Variants in DDC observed in about 807,000 individuals in gnomAD.
DDC encodes aromatic-L-amino-acid decarboxylase.
A neutral mutation model predicts 60.0 loss-of-function variants in DDC; 43 were observed. That is an observed-to-expected ratio of 0.72 (90% CI 0.56 to 0.92). The LOEUF (loss-of-function observed/expected upper bound fraction) is 0.92, where lower values mean the gene tolerates loss of function less well. Ranked by LOEUF, DDC falls within the 40% of genes least tolerant of loss-of-function variation. The pLI, the probability that DDC is intolerant of heterozygous loss-of-function variation, is 0.00. For synonymous variants in DDC, 232 were observed against 234.6 expected (o/e 0.99, Z 0.10); for missense variants, 573 against 620.2 (o/e 0.92, Z 0.81).
chr7:50,486,940 A>G (rs1380521919), intron 9 of DDC, among the ~76,000 whole-genome samples: 1 of 152,194 alleles, frequency 6.6e-6, no homozygotes, highest in Non-Finnish European at 1.5e-5. Flanking sequence ...ATAATTGACT[A>G]TTCCCCTGCC....
chr7:50,510,746 C>A (rs1481696428), intron 6 of DDC, among the ~76,000 whole-genome samples: 1 of 151,270 alleles, frequency 6.6e-6, no homozygotes, highest in East Asian at 1.9e-4. Context: ...CTTTGGGAGG[C>A]CAAGGCGGGC....
rs148472208 is a variant in DDC at position 50,463,248 on chromosome 7, G to T, written c.1426C>A (p.Arg476=). ...HIKELAADVL[R]AERE ...CTTCACTCCTACTCCCTCTCTGCTC[G>T]CAGCACGTCGGCCGCCAGCTCTTTG... The change falls in exon 14 of 15, where the codon CGA becomes AGA. Residue 476 remains arginine, a synonymous_variant. Transcript: ENST00000444124. 1.2e-6 allele frequency: 2 copies of T among 1,613,162 alleles called. No individual in the cohort carries two copies. The highest frequency in any genetic ancestry group is 1.1e-5 in the South Asian group (1 of 90,852).
At chr7:50,520,849 G>C (rs903729936) in intron 6 of DDC, among the ~76,000 whole-genome samples, 1 of 152,048 alleles carries the variant, frequency 6.6e-6, no homozygotes, top group East Asian at 1.9e-4. Context: ...GGGAGGTGGA[G>C]GTTGTGCCAC....
intron 9 of DDC, among the ~76,000 whole-genome samples, chr7:50,481,944 G>A (rs2042778359): frequency 6.6e-6 from 1 of 152,154 alleles, no homozygotes; most frequent in African/African-American, 2.4e-5. Flanking sequence ...GACCTCCTGG[G>A]ATTTTAGTGC....
At chr7:50,531,266 T>C (rs1300580450) in intron 4 of DDC, among the ~76,000 whole-genome samples, 1 of 152,172 alleles carries the variant, frequency 6.6e-6, no homozygotes, top group Non-Finnish European at 1.5e-5. Context: ...GCATTGTACC[T>C]TACTTACACT....
chr7:50,535,479 C>T (rs751015750), intron 4 of DDC, among the ~76,000 whole-genome samples: 1 of 152,186 alleles, frequency 6.6e-6, no homozygotes, highest in Non-Finnish European at 1.5e-5. Flanking sequence ...TTTAATATCA[C>T]TTATGTCTGA....
chr7:50,562,621 C>A (rs2045366633), intron 1 of DDC, among the ~76,000 whole-genome samples: 1 of 152,178 alleles, frequency 6.6e-6, no homozygotes, highest in African/African-American at 2.4e-5. Context: ...TGAGAAAGAG[C>A]CCTGGTCAGG....
At chr7:50,498,597 G>C (rs547877445) in intron 8 of DDC, among the ~76,000 whole-genome samples, 2 of 152,194 alleles carry the variant, frequency 1.3e-5, no homozygotes, top group Non-Finnish European at 2.9e-5. Flanking sequence ...TTGGAGAAGC[G>C]GAGTGCTGGT....
chr7:50,493,009 A>C, intron 9 of DDC: 1 of 1,595,870 alleles, frequency 6.3e-7, no homozygotes, highest in South Asian at 1.1e-5. Context: ...TCTGGACCTG[A>C]GGGCAGGACG....
intron 6 of DDC, among the ~76,000 whole-genome samples, chr7:50,526,101 T>C (rs2044030564): frequency 6.6e-6 from 1 of 152,014 alleles, no homozygotes; most frequent in African/African-American, 2.4e-5. Context: ...TTCTGTGAAA[T>C]CCAAGAAGAG....
chr7:50,528,027 G>C, intron 6 of DDC, 110 bp downstream of exon 6: 1 of 1,290,938 alleles, frequency 7.7e-7, no homozygotes, highest in East Asian at 2.5e-5. Context: ...TTCCCGAGTA[G>C]CTGGGATTAC....
chr7:50,544,170 G>A (rs2044729295), intron 1 of DDC, 57 bp from the exon 2 acceptor site: 1 of 1,351,516 alleles, frequency 7.4e-7, no homozygotes, highest in East Asian at 2.3e-5. Context: ...CTGGAAGGCG[G>A]GGATACCAAG....
intron 9 of DDC, chr7:50,493,153 A>C (rs1472690510): frequency 1.1e-5 from 8 of 705,596 alleles, no homozygotes; most frequent in Non-Finnish European, 2.0e-5. Context: ...GTGTCCCTCA[A>C]CACAGGGCTG....
intron 11 of DDC, 55 bp downstream of exon 11, chr7:50,476,569 G>T: frequency 7.1e-7 from 1 of 1,415,056 alleles, no homozygotes; most frequent in Admixed American, 2.0e-5. Flanking sequence ...CAGCTGTGGC[G>T]TAGCCCCCCA....
At chr7:50,532,978 A>ATTTT (rs889698809) in intron 4 of DDC, among the ~76,000 whole-genome samples, 1 of 152,028 alleles carries the variant, frequency 6.6e-6, no homozygotes, top group African/African-American at 2.4e-5. Context: ...GTCCTCCAAA[A>ATTTT]TTTTTTTTAT....
chr7:50,467,481 T>A (rs1562980903), intron 12 of DDC, among the ~76,000 whole-genome samples, 166 bp from the exon 13 acceptor site: 1 of 152,238 alleles, frequency 6.6e-6, no homozygotes, highest in African/African-American at 2.4e-5. Flanking sequence ...CCAGGCAGGC[T>A]AAGAAACTCA....
chr7:50,481,719 T>C (rs932561798), intron 9 of DDC, among the ~76,000 whole-genome samples: 1 of 152,212 alleles, frequency 6.6e-6, no homozygotes, highest in Non-Finnish European at 1.5e-5. Context: ...TTTGTGTTCC[T>C]ACTCTTACAT....
intron 1 of DDC, among the ~76,000 whole-genome samples, chr7:50,547,504 A>G (rs2044846727): frequency 6.6e-6 from 1 of 152,204 alleles, no homozygotes; most frequent in African/African-American, 2.4e-5. Flanking sequence ...GGCATGAGCC[A>G]CCGCACCTGC....
Position 50,463,266 on chromosome 7 carries a change from G to T in DDC, c.1408C>A (p.Leu470Met). Residue 470 changes from leucine (L) to methionine (M), a missense_variant, in exon 14 of 15, where the codon CTG becomes ATG. Physicochemically the swap from Leu to Met is conservative, Grantham distance 15. Coordinates refer to ENST00000444124, the MANE Select transcript of DDC (RefSeq NM_001082971.2). ...VQRAWEHIKELAADVLRAERE is the reference protein window; with the variant it reads ...VQRAWEHIKEMAADVLRAERE The stretch of plus-strand genomic sequence containing the variant: ...TCTGCTCGCAGCACGTCGGCCGCCA[G>T]CTCTTTGATGTGTTCCCAGGCCCGC... 1 of 1,614,112 alleles carries T rather than the reference G, an allele frequency of 6.2e-7. No homozygotes were observed. Among genetic ancestry groups the T allele is most frequent in the Non-Finnish European group, 8.5e-7 (1 of 1,179,988 alleles).
Sources: gnomAD v4.1 joint callset for allele counts (sites outside exome capture counted in the v4.1 genomes callset) on GRCh38, gnomAD v4.1.1 for gene constraint, MANE v1.5 for transcripts, NCBI Gene and HGNC (gene_info 2026-07-23, HGNC 2026-07-21) for gene names.